Variants in TTC39A observed in about 807,000 individuals in gnomAD.
TTC39A encodes the protein tetratricopeptide repeat domain 39A.
TTC39A carries 46 observed loss-of-function variants against 82.3 expected under a neutral mutation model. That is an observed-to-expected ratio of 0.56 (90% CI 0.44 to 0.71). TTC39A has a LOEUF of 0.71. Ranked by LOEUF, TTC39A falls within the 30% of genes least tolerant of loss-of-function variation. The pLI is 0.00. For synonymous variants in TTC39A, 254 were observed against 275.2 expected, an observed-to-expected ratio of 0.92 and a Z score of 0.76; for missense variants, 543 against 712.9, an observed-to-expected ratio of 0.76 and a Z score of 2.71.
chr1:51,303,617 G>A (rs1001653548), intron 8 of TTC39A, among the ~76,000 whole-genome samples: 1 of 152,212 alleles, frequency 6.6e-6, no homozygotes, highest in East Asian at 1.9e-4. Flanking sequence ...TCCAGAGCCT[G>A]GCTGGGGAGG....
chr1:51,302,661 G>T (rs1644717279), intron 9 of TTC39A, 88 bp from the exon 10 acceptor site: 1 of 1,383,634 alleles, frequency 7.2e-7, no homozygotes, highest in Non-Finnish European at 1.0e-6. Flanking sequence ...GCTTCCCAGG[G>T]TCTCCCCCTC....
intron 2 of TTC39A, among the ~76,000 whole-genome samples, chr1:51,317,408 TG>T (rs1454952971): frequency 6.6e-6 from 1 of 152,172 alleles, no homozygotes; most frequent in Non-Finnish European, 1.5e-5. Flanking sequence ...ACAGGTGGTC[TG>T]GGGGTGGTGT....
intron 1 of TTC39A, among the ~76,000 whole-genome samples, chr1:51,340,053 G>T (rs974668822): frequency 6.6e-6 from 1 of 152,136 alleles, no homozygotes; most frequent in Non-Finnish European, 1.5e-5. Flanking sequence ...CAGCAAGAAG[G>T]CACCATCTAT....
rs1645872000 is a variant in TTC39A at position 51,330,452 on chromosome 1, C to T, written c.26G>A (p.Gly9Glu). 1 of 983,318 alleles carries T rather than the reference C, an allele frequency of 1.0e-6. No individual in the cohort carries two copies. The highest frequency in any genetic ancestry group is 1.2e-6 in the Non-Finnish European group (1 of 830,026). 60.9% of individuals were successfully genotyped at this position (983,318 alleles called of 1,614,324 possible). A position where few individuals can be genotyped will look rare whatever the true frequency, so the allele number is the denominator to read the frequency against. The change falls in exon 1 of 18, where the codon GGA (glycine) becomes GAA (glutamate). Residue 9 changes from glycine to glutamate, a missense_variant. Gly to Glu is a moderately conservative substitution (Grantham distance 98, BLOSUM62 -2). Coordinates refer to ENST00000680483, the MANE Select transcript of TTC39A (RefSeq NM_001297663.2). The surrounding 1 kb of genome is among the most constrained non-coding windows in gnomAD (Gnocchi z 4.5). MTSAGGAP[G>E]ALPAGTPESS... ...GCGCACTTACCCCGCGGGCAGGGCT[C>T]CTGGGGCGCCGCCAGCCGAGGTCAT...
At chr1:51,310,652 G>A (rs551607676) in intron 5 of TTC39A, among the ~76,000 whole-genome samples, 16 of 152,224 alleles carry the variant, frequency 1.1e-4, no homozygotes, top group South Asian at 8.3e-4. Flanking sequence ...TGCAGTGATC[G>A]TTCTCATCAT....
intron 1 of TTC39A, among the ~76,000 whole-genome samples, chr1:51,339,095 GCTT>G (rs1646006400): frequency 6.6e-6 from 1 of 152,220 alleles, no homozygotes; most frequent in African/African-American, 2.4e-5. Flanking sequence ...CGGCTGCAGT[GCTT>G]CTTCTTGCAG....
chr1:51,341,031 C>T (rs1377358593), intron 1 of TTC39A, among the ~76,000 whole-genome samples: 2 of 152,044 alleles, frequency 1.3e-5, no homozygotes, highest in South Asian at 2.1e-4. Flanking sequence ...ATTAGCTGGG[C>T]GTGGTGGCGC....
In TTC39A at chr1:51,326,799, C is replaced by G. The variant is rs527494175; in HGVS notation, c.41+3638G>C. Among the ~76,000 whole-genome samples the G allele has an allele frequency of 2.6e-5, 4 of 152,336 alleles. No homozygotes were observed. In the East Asian group the frequency reaches 5.8e-4, roughly 22 times the overall value. The stretch of plus-strand genomic sequence containing the variant: ...CAGGCTGCCCCTGCGTCTCCAAGAC[C>G]TTTCTTTTCCAAGGACACCTTGCCT... On this transcript the variant is annotated intron_variant, in intron 1 of 17. Coordinates refer to ENST00000680483, the MANE Select transcript of TTC39A (RefSeq NM_001297663.2).
In TTC39A at chr1:51,309,535, ACT is replaced by A. The variant is rs1043863106; in HGVS notation, c.424-212_424-211del. 4.0e-6 allele frequency: 5 copies of A among 1,244,352 alleles called. No homozygotes were observed. The Admixed American group carries it at 1.8e-4, about 44-fold the overall frequency. The allele number at this position is 1,244,352 out of a possible 1,614,324, so 77.1% of individuals were successfully genotyped here. ...TTGGACCAGCCTCCCAGGTACACAT[ACT>A]CTGTGCTTGGAGAGAGGCCTGGAGG... On this transcript the variant is annotated intron_variant, in intron 5 of 17. Transcript: ENST00000680483.
intron 5 of TTC39A, 175 bp from the exon 6 acceptor site, chr1:51,309,500 A>C: frequency 3.5e-6 from 5 of 1,419,878 alleles, no homozygotes; most frequent in Non-Finnish European, 3.7e-6. Flanking sequence ...AACCTCTAAA[A>C]TGCCCAGGGT....
At chr1:51,316,356 A>C (rs555005423) in intron 2 of TTC39A, among the ~76,000 whole-genome samples, 2 of 152,078 alleles carry the variant, frequency 1.3e-5, no homozygotes, top group Non-Finnish European at 2.9e-5. Flanking sequence ...TGACCTGCCC[A>C]TACTGGCTCA....
chr1:51,306,873 G>A (rs1437030965), intron 6 of TTC39A, among the ~76,000 whole-genome samples: 9 of 34,244 alleles, frequency 2.6e-4, no homozygotes, highest in Admixed American at 3.9e-4. Flanking sequence ...CCCGCCCCCC[G>A]ATTGAGTCAC....
rs1317328610 is a variant in TTC39A, at chr1:51,330,281, C to T, written c.41+156G>A. 1.2e-5 allele frequency: 11 copies of T among 949,460 alleles called. No individual in the cohort carries two copies. Among genetic ancestry groups the T allele is most frequent in the Non-Finnish European group, 1.4e-5 (11 of 797,750 alleles). The allele number at this position is 949,460 out of a possible 1,614,324, so 58.8% of individuals were successfully genotyped here. ...AGCCCCCTGCCCCCACTCCTGGCAG[C>T]GGCGGCGGCTGCCAGGGGCCGGGCG... On this transcript the variant is annotated intron_variant, in intron 1 of 17. Transcript: ENST00000680483. The surrounding 1 kb of genome is among the most constrained non-coding windows in gnomAD (Gnocchi z 4.5).
chr1:51,330,832 G>C, upstream of TTC39A: 5 of 481,544 alleles, frequency 1.0e-5, no homozygotes, highest in Non-Finnish European at 1.5e-5. This position sits in a 1 kb window ranked among gnomAD's most constrained non-coding sequence, Gnocchi z 4.5. Flanking sequence ...TCTTCTCCGG[G>C]ACCTGAGGTC....
chr1:51,343,086 G>T (rs1646057151), intron 1 of TTC39A: 2 of 456,180 alleles, frequency 4.4e-6, no homozygotes, highest in Non-Finnish European at 8.8e-6. Context: ...GTCCTGGAAG[G>T]CAAGAAAGCC....
At chr1:51,337,018 C>T (rs531538332) in intron 1 of TTC39A, among the ~76,000 whole-genome samples, 1 of 152,278 alleles carries the variant, frequency 6.6e-6, no homozygotes, top group South Asian at 2.1e-4. Flanking sequence ...CTTAGCTGGG[C>T]ATGGTGGCAC....
intron 1 of TTC39A, chr1:51,329,638 G>C (rs1021050218): frequency 1.3e-5 from 2 of 152,318 alleles, no homozygotes; most frequent in African/African-American, 4.8e-5. Flanking sequence ...GCTCCAGGCA[G>C]GGTGAGCCCT....
chr1:51,291,858 TTTTG>T (rs1196222220), intron 14 of TTC39A, among the ~76,000 whole-genome samples: 3 of 151,890 alleles, frequency 2.0e-5, no homozygotes, highest in Admixed American at 6.6e-5. Flanking sequence ...TATTGGTTCC[TTTTG>T]TTTGTTTGTT....
At chr1:51,335,271 G>A (rs528217767), upstream of TTC39A, 17 of 152,206 alleles carry the variant, frequency 1.1e-4, 1 homozygote, top group East Asian at 1.5e-3. Flanking sequence ...TAATATGGCC[G>A]GGCGCGGTGG....
Sources: gnomAD v4.1 joint callset for allele counts (sites outside exome capture counted in the v4.1 genomes callset) on GRCh38, gnomAD v4.1.1 for gene constraint, Gnocchi (gnomAD v3.1) non-coding constraint, MANE v1.5 for transcripts, NCBI Gene and HGNC (gene_info 2026-07-23, HGNC 2026-07-21) for gene names.